The following COP1 variants were observed in gnomAD, a reference collection of about 807,000 sequenced individuals.
COP1 encodes the protein COP1 E3 ubiquitin ligase, also known as E3 ubiquitin-protein ligase COP1.
A neutral mutation model predicts 101.3 loss-of-function variants in COP1; 24 were observed. The ratio of observed to expected loss-of-function variants is 0.24; its 90% CI spans 0.17 to 0.33. The LOEUF (loss-of-function observed/expected upper bound fraction) is 0.33, where lower values mean the gene tolerates loss of function less well. Ranked by LOEUF, COP1 falls within the 10% of genes least tolerant of loss-of-function variation. The probability of loss-of-function intolerance (pLI) is 1.00; values close to 1 mark genes in which losing one functional copy is unlikely to be tolerated. For missense variants in COP1, 663 were observed against 906.2 expected (o/e 0.73, Z 3.45); for synonymous variants, 347 against 341.9 (o/e 1.01, Z -0.17).
chr1:176,157,502 C>T (rs1693657279), intron 5 of COP1, among the ~76,000 whole-genome samples: 1 of 152,128 alleles, frequency 6.6e-6, no homozygotes, highest in Non-Finnish European at 1.5e-5. Context: ...ATTACATGTT[C>T]CCAGCAGCCA....
At chr1:176,035,165 G>GC (rs1353769701) in intron 14 of COP1, among the ~76,000 whole-genome samples, 2 of 152,116 alleles carry the variant, frequency 1.3e-5, no homozygotes, top group South Asian at 4.2e-4. Flanking sequence ...AGATTTTAAA[G>GC]CAACTATTGT....
chr1:176,018,349 T>A (rs1666048807), intron 15 of COP1: 1 of 152,198 alleles, frequency 6.6e-6, no homozygotes, highest in Non-Finnish European at 1.5e-5. Flanking sequence ...AAGTCTCAGT[T>A]ATATTATGTA....
chr1:176,023,916 C>T (rs1326957698), intron 15 of COP1, among the ~76,000 whole-genome samples: 1 of 152,104 alleles, frequency 6.6e-6, no homozygotes, highest in Non-Finnish European at 1.5e-5. Flanking sequence ...CCAACTCACT[C>T]TTTAAACCCA....
At chr1:176,033,229 T>G (rs1396883931) in intron 14 of COP1, among the ~76,000 whole-genome samples, 2 of 151,950 alleles carry the variant, frequency 1.3e-5, no homozygotes, top group African/African-American at 4.8e-5. Context: ...CTGACCAACA[T>G]GGTGAAATCC....
intron 15 of COP1, among the ~76,000 whole-genome samples, chr1:176,000,448 G>C (rs543265232): frequency 6.6e-6 from 1 of 152,078 alleles, no homozygotes; most frequent in African/African-American, 2.4e-5. Flanking sequence ...GCATAGAATT[G>C]TTTACACTAG....
At chr1:176,098,626 A>AT (rs1682847965) in intron 9 of COP1, among the ~76,000 whole-genome samples, 1 of 152,238 alleles carries the variant, frequency 6.6e-6, no homozygotes, top group Non-Finnish European at 1.5e-5. Flanking sequence ...ATAAAAGCAG[A>AT]AAAACGTACT....
chr1:176,041,732 G>A (rs1319515216), intron 14 of COP1, among the ~76,000 whole-genome samples: 3 of 152,184 alleles, frequency 2.0e-5, no homozygotes, highest in Admixed American at 6.5e-5. Flanking sequence ...TTGGGAAGTC[G>A]AGGTGGGTAG....
chr1:176,054,113 C>G (rs957362516), intron 11 of COP1, among the ~76,000 whole-genome samples: 12 of 151,912 alleles, frequency 7.9e-5, no homozygotes, highest in African/African-American at 2.9e-4. Context: ...ATTTCTCTTA[C>G]TCTTCACAAA....
chr1:176,039,427 C>T (rs1162005831), intron 14 of COP1, among the ~76,000 whole-genome samples: 1 of 149,442 alleles, frequency 6.7e-6, no homozygotes, highest in African/African-American at 2.5e-5. Flanking sequence ...CTAAAGTAAG[C>T]AGGGAAAAAA....
At chr1:176,102,482 A>G (rs1273220641) in intron 9 of COP1, among the ~76,000 whole-genome samples, 2 of 152,214 alleles carry the variant, frequency 1.3e-5, no homozygotes, top group Non-Finnish European at 2.9e-5. Flanking sequence ...CAGCTAAGAC[A>G]GTGAAAGAGA....
intron 11 of COP1, among the ~76,000 whole-genome samples, chr1:176,070,363 TA>T (rs1283792741): frequency 3.3e-5 from 5 of 151,458 alleles, no homozygotes; most frequent in Non-Finnish European, 7.4e-5. Context: ...CTTTTTTTTT[TA>T]AATTAAAAAC....
At chr1:176,171,852 T>C (rs999961082) in intron 3 of COP1, among the ~76,000 whole-genome samples, 1 of 152,186 alleles carries the variant, frequency 6.6e-6, no homozygotes, top group African/African-American at 2.4e-5. Context: ...GAAGTTTAAG[T>C]AGAAGTTCAC....
intron 3 of COP1, among the ~76,000 whole-genome samples, chr1:176,168,197 A>G (rs746942741): frequency 4.6e-5 from 7 of 151,692 alleles, no homozygotes; most frequent in Non-Finnish European, 1.0e-4. Flanking sequence ...AGCTGGGATT[A>G]CCGGTGCGCA....
chr1:175,959,303 T>G (rs1399619039), intron 18 of COP1, among the ~76,000 whole-genome samples: 1 of 152,078 alleles, frequency 6.6e-6, no homozygotes, highest in African/African-American at 2.4e-5. Context: ...TGAAGGAAAC[T>G]TCTTTGTAAG....
In COP1 at chr1:176,078,629, A is replaced by AC. The variant is rs398103390; in HGVS notation, c.1277+2522dup. 9.2e-5 allele frequency among the ~76,000 whole-genome samples: 14 copies of AC among 151,752 alleles called. No individual in the cohort carries two copies. The South Asian group carries it at 2.5e-3, about 27-fold the overall frequency. ...TTCAAAAGCAATTGCAAAAAAAAAA[A>AC]CAAAAATTGACAAGTGGGACCTAAT... is the stretch of plus-strand genomic sequence containing the variant. On this transcript the variant is annotated intron_variant, in intron 11 of 19. Coordinates refer to ENST00000367669, the MANE Select transcript of COP1 (RefSeq NM_022457.7).
At chr1:175,982,241 T>C in intron 18 of COP1, 2 of 374,672 alleles carry the variant, frequency 5.3e-6, no homozygotes, top group Middle Eastern at 7.3e-4. Context: ...ACTCTTTTAT[T>C]CATTGCATTA....
intron 3 of COP1, 27 bp downstream of exon 3, chr1:176,175,883 A>C (rs1464524320): frequency 3.1e-6 from 4 of 1,293,824 alleles, no homozygotes; most frequent in South Asian, 1.3e-5. Flanking sequence ...AAATATTTTT[A>C]AAATAAAAAT....
At chr1:176,095,986 A>T (rs1558098846) in intron 9 of COP1, among the ~76,000 whole-genome samples, 1 of 152,150 alleles carries the variant, frequency 6.6e-6, no homozygotes, top group Non-Finnish European at 1.5e-5. Context: ...ACAAAATGAG[A>T]AGTATGCACT....
intron 8 of COP1, among the ~76,000 whole-genome samples, chr1:176,128,743 T>A (rs563464461): frequency 1.6e-4 from 25 of 152,100 alleles, no homozygotes; most frequent in Admixed American, 1.4e-3. Context: ...AAGCATTAGT[T>A]CAATTTGATT....
Sources: allele counts gnomAD v4.1 joint callset (sites outside exome capture counted in the v4.1 genomes callset), GRCh38; gene constraint gnomAD v4.1.1; transcripts MANE v1.5; gene names NCBI Gene and HGNC (gene_info 2026-07-23, HGNC 2026-07-21).